Variants in NOD1 observed in about 807,000 individuals in gnomAD.
NOD1 encodes the protein nucleotide binding oligomerization domain containing 1.
Under a neutral mutation model 81.2 loss-of-function variants are expected in NOD1, and 70 were observed. The observed-to-expected ratio is 0.86, with a 90% CI of 0.71 to 1.05. The LOEUF (loss-of-function observed/expected upper bound fraction) is 1.05. NOD1 is among the 50% of genes least tolerant of loss of function. NOD1 has a pLI of 0.00. For synonymous variants in NOD1, 508 were observed against 526.9 expected (o/e 0.96, Z 0.49); for missense variants, 1,233 against 1,228.0 (o/e 1.00, Z -0.06).
Position 30,452,866 on chromosome 7 carries a change from A to C in NOD1, c.551T>G (p.Leu184Arg). The change falls in exon 6 of 14, where the codon CTG becomes CGG. Residue 184 changes from leucine (L) to arginine (R), a missense_variant. Transcript: ENST00000222823. ...LGSLNSLACL[L>R]DHTTGILNEQ... ...ATTGAGGATGCCGGTGGTGTGGTCCAGGAGGCAGGCCAGGCTGTTCAGGCT... is the reference window on the plus strand; with the variant it reads ...ATTGAGGATGCCGGTGGTGTGGTCCCGGAGGCAGGCCAGGCTGTTCAGGCT... The C allele has an allele frequency of 6.2e-7, 1 of 1,614,126 alleles. No individual in the cohort carries two copies. Among genetic ancestry groups the C allele is most frequent in the Non-Finnish European group, 8.5e-7 (1 of 1,180,022 alleles).
intron 12 of NOD1, among the ~76,000 whole-genome samples, chr7:30,431,881 G>C (rs957487252): frequency 6.6e-6 from 1 of 152,184 alleles, no homozygotes; most frequent in Non-Finnish European, 1.5e-5. Context: ...GAGGCAGGTG[G>C]ATCACCTGAG....
intron 1 of NOD1, among the ~76,000 whole-genome samples, chr7:30,461,008 T>C (rs62447420): frequency 0.15 from 23,534 of 152,212 alleles, 2,083 homozygotes; most frequent in Admixed American, 0.23. Context: ...AAGGAGACCA[T>C]AGAGCAGCTC....
intron 12 of NOD1, among the ~76,000 whole-genome samples, chr7:30,430,567 G>C (rs1198880185): frequency 1.3e-5 from 2 of 152,170 alleles, no homozygotes; most frequent in Admixed American, 1.3e-4. Flanking sequence ...GGACTCCCTC[G>C]TGAGAGGCAG....
chr7:30,460,840 T>C (rs1436937850), intron 1 of NOD1, among the ~76,000 whole-genome samples: 2 of 152,168 alleles, frequency 1.3e-5, no homozygotes, highest in Non-Finnish European at 2.9e-5. Context: ...AATTCACCAC[T>C]CCGGGCTCCT....
chr7:30,425,026 G>A lies in NOD1; in HGVS notation c.*612C>T, dbSNP rs200551087. On this transcript the variant is annotated 3_prime_UTR_variant, in exon 14 of 14. Transcript: ENST00000222823. ...CCAGGATTAAAATTAAAAGCCCGTGGTGCATCCTTTCCTTGACATTAACTT... is the reference window on the plus strand; with the variant it reads ...CCAGGATTAAAATTAAAAGCCCGTGATGCATCCTTTCCTTGACATTAACTT... The A allele has an allele frequency of 1.3e-5, 2 of 152,534 alleles. No individual in the cohort carries two copies. Among genetic ancestry groups the A allele is most frequent in the East Asian group, 1.9e-4 (1 of 5,218 alleles). 9.4% of individuals were successfully genotyped at this position (152,534 alleles called of 1,614,324 possible).
At chr7:30,475,300 A>G (rs1442142867) in intron 1 of NOD1, among the ~76,000 whole-genome samples, 1 of 152,228 alleles carries the variant, frequency 6.6e-6, no homozygotes, top group African/African-American at 2.4e-5. Flanking sequence ...CAGAAGGCCA[A>G]GGGACATCAA....
chr7:30,439,340 G>C (rs1224546815), intron 9 of NOD1, among the ~76,000 whole-genome samples: 1 of 145,136 alleles, frequency 6.9e-6, no homozygotes, highest in Non-Finnish European at 1.5e-5. Flanking sequence ...TTCCATCTGA[G>C]GTACCGGGTT....
At chr7:30,431,922 A>G (rs1783987515) in intron 12 of NOD1, among the ~76,000 whole-genome samples, 1 of 152,164 alleles carries the variant, frequency 6.6e-6, no homozygotes, top group African/African-American at 2.4e-5. Flanking sequence ...CTGGGCCTAA[A>G]TGGTGAAACC....
chr7:30,437,528 G>T lies in NOD1; in HGVS notation c.2537+45C>A, dbSNP rs762248164. ...CTTCCCCAGCAAACCTAGAGCAGCT[G>T]GGAGGGACCAGGTTGGCCCCTGGAG... On this transcript the variant is annotated intron_variant, in intron 10 of 13. Transcript: ENST00000222823. 3.9e-6 allele frequency: 5 copies of T among 1,285,622 alleles called. No individual in the cohort carries two copies. In the East Asian group the frequency reaches 1.4e-4, roughly 36 times the overall value. 79.6% of individuals were successfully genotyped at this position (1,285,622 alleles called of 1,614,324 possible). A position where few individuals can be genotyped will look rare whatever the true frequency, so the allele number is the denominator to read the frequency against.
Position 30,425,655 on chromosome 7 carries a change from GCT to G in NOD1, c.2843_2844del (p.Lys948ThrfsTer90), listed in dbSNP as rs1562645705. The G allele has an allele frequency of 1.1e-5, 17 of 1,613,544 alleles. No homozygotes were observed. The Admixed American group carries it at 2.0e-4, about 19-fold the overall frequency. On this transcript the variant is annotated frameshift_variant, in exon 14 of 14. Transcript: ENST00000222823. LOFTEE classifies it high-confidence loss of function. ...GCATCCTCTCAGAAACAGATAATCC[GCT>G]TCTCATCTTCATAGACTTTGGCCTC... Reference protein sequence around the residue: ...PEEAKVYEDEKRIICF With the variant: ...PEEAKVYEDEXRIICF
chr7:30,454,636 T>C (rs1284938632), intron 5 of NOD1, among the ~76,000 whole-genome samples: 1 of 152,214 alleles, frequency 6.6e-6, no homozygotes, highest in Non-Finnish European at 1.5e-5. Context: ...TTTAATTTTT[T>C]TCTTTCCTTT....
chr7:30,472,404 C>T (rs1788366955), intron 1 of NOD1, among the ~76,000 whole-genome samples: 1 of 152,240 alleles, frequency 6.6e-6, no homozygotes, highest in Non-Finnish European at 1.5e-5. Context: ...AGGCTCATTC[C>T]TTGAGAGGCG....
intron 9 of NOD1, among the ~76,000 whole-genome samples, chr7:30,439,667 C>G (rs1427989017): frequency 2.0e-5 from 2 of 97,918 alleles, no homozygotes; most frequent in Non-Finnish European, 1.9e-5. Flanking sequence ...AAGGCGGCAA[C>G]GAGGCTGGGG....
At chr7:30,458,220 AT>A (rs1255441314) in intron 3 of NOD1, among the ~76,000 whole-genome samples, 1 of 152,154 alleles carries the variant, frequency 6.6e-6, no homozygotes, top group Non-Finnish European at 1.5e-5. Context: ...AAAAATAATA[AT>A]TTTTTAAAAA....
intron 12 of NOD1, 140 bp from the exon 13 acceptor site, chr7:30,429,597 GC>G (rs1254420755): frequency 1.2e-5 from 8 of 694,482 alleles, no homozygotes; most frequent in Non-Finnish European, 1.8e-5. Flanking sequence ...TTTGTATCTG[GC>G]TAAAAGTGTC....
intron 1 of NOD1, among the ~76,000 whole-genome samples, chr7:30,475,296 G>A (rs959110460): frequency 6.6e-5 from 10 of 152,126 alleles, no homozygotes; most frequent in Non-Finnish European, 1.5e-4. Flanking sequence ...AGAACAGAAG[G>A]CCAAGGGACA....
intron 4 of NOD1, 63 bp from the exon 5 acceptor site, chr7:30,455,374 C>A: frequency 4.3e-6 from 6 of 1,405,498 alleles, no homozygotes; most frequent in Non-Finnish European, 6.0e-6. Context: ...ACCATAAGGA[C>A]CCTCAGGCAG....
chr7:30,425,517 T>C lies in NOD1; in HGVS notation c.*121A>G. ...AAGCTGGCTTGCATCATGGAGGCAGTGGACTCCTGATAGTCCCGCCTGCGC... is the reference window on the plus strand; with the variant it reads ...AAGCTGGCTTGCATCATGGAGGCAGCGGACTCCTGATAGTCCCGCCTGCGC... On this transcript the variant is annotated 3_prime_UTR_variant, in exon 14 of 14. Transcript: ENST00000222823. 1 of 741,896 alleles carries C rather than the reference T, an allele frequency of 1.3e-6. No individual in the cohort carries two copies. Among genetic ancestry groups the C allele is most frequent in the Non-Finnish European group, 2.4e-6 (1 of 410,782 alleles). The allele number at this position is 741,896 out of a possible 1,614,324, so 46.0% of individuals were successfully genotyped here. A position where few individuals can be genotyped will look rare whatever the true frequency, so the allele number is the denominator to read the frequency against.
chr7:30,466,755 T>G (rs1787736225), intron 1 of NOD1, among the ~76,000 whole-genome samples: 1 of 152,088 alleles, frequency 6.6e-6, no homozygotes, highest in Admixed American at 6.5e-5. Flanking sequence ...ACTACAACCT[T>G]TTTCAGATAC....
Sources: allele counts gnomAD v4.1 joint callset (sites outside exome capture counted in the v4.1 genomes callset), GRCh38; gene constraint gnomAD v4.1.1; transcripts MANE v1.5; gene names NCBI Gene and HGNC (gene_info 2026-07-23, HGNC 2026-07-21).